The following RYR3 variants were observed in gnomAD, a reference collection of about 807,000 sequenced individuals.
RYR3 encodes the protein brain ryanodine receptor-calcium release channel.
Under a neutral mutation model 584.3 loss-of-function variants are expected in RYR3, and 207 were observed. That is an observed-to-expected ratio of 0.35 (90% CI 0.32 to 0.40). The LOEUF (loss-of-function observed/expected upper bound fraction) is 0.40, where lower values mean the gene tolerates loss of function less well. Among genes scored for constraint, RYR3 ranks in the 10% least tolerant of loss-of-function variants. The pLI is 1.00. For missense variants in RYR3, 5,616 were observed against 6,089.2 expected, an observed-to-expected ratio of 0.92 and a Z score of 2.59; for synonymous variants, 2,416 against 2,248.5, an observed-to-expected ratio of 1.07 and a Z score of -2.11.
At chr15:33,721,984 GA>G (rs2067967570) in intron 43 of RYR3, among the ~76,000 whole-genome samples, 1 of 152,076 alleles carries the variant, frequency 6.6e-6, no homozygotes, top group African/African-American at 2.4e-5. Context: ...ACAAGTTTAG[GA>G]ATAACCAATA....
At chr15:33,418,906 G>A (rs900092311) in intron 1 of RYR3, among the ~76,000 whole-genome samples, 6 of 152,112 alleles carry the variant, frequency 3.9e-5, no homozygotes, top group African/African-American at 7.2e-5. Context: ...AGGAATTAGT[G>A]GAAGCAAAGA....
chr15:33,829,912 G>C (rs2077579374), intron 85 of RYR3, among the ~76,000 whole-genome samples: 2 of 152,144 alleles, frequency 1.3e-5, no homozygotes, highest in Admixed American at 1.3e-4. Flanking sequence ...AAGAGAACTA[G>C]AATTAGTAGT....
At chr15:33,690,182 C>T (rs1354582500) in intron 38 of RYR3, among the ~76,000 whole-genome samples, 1 of 152,206 alleles carries the variant, frequency 6.6e-6, no homozygotes, top group African/African-American at 2.4e-5. Flanking sequence ...GTGCCTCCCT[C>T]TCCAGCCTGC....
intron 1 of RYR3, among the ~76,000 whole-genome samples, chr15:33,428,072 T>C (rs974421594): frequency 1.3e-5 from 2 of 152,242 alleles, no homozygotes; most frequent in African/African-American, 4.8e-5. Context: ...TATCTTTGTA[T>C]TGTAAGCTCC....
At chr15:33,664,506 C>T (rs1042726729) in intron 36 of RYR3, among the ~76,000 whole-genome samples, 2 of 148,268 alleles carry the variant, frequency 1.3e-5, no homozygotes, top group East Asian at 2.0e-4. Context: ...AATCTTTCAG[C>T]GAAGGAAGTA....
intron 10 of RYR3, among the ~76,000 whole-genome samples, chr15:33,556,837 T>TCC: frequency 6.6e-6 from 1 of 152,138 alleles, no homozygotes; most frequent in South Asian, 2.1e-4. Flanking sequence ...CATCCCTAAC[T>TCC]CCCCGGTAGA....
At chr15:33,328,031 G>T (rs560064594) in intron 1 of RYR3, among the ~76,000 whole-genome samples, 1 of 152,328 alleles carries the variant, frequency 6.6e-6, no homozygotes. Flanking sequence ...GTGTCTGTAT[G>T]TGTGCCTGAA....
intron 49 of RYR3, among the ~76,000 whole-genome samples, chr15:33,738,170 G>GAAAC (rs1382614860): frequency 6.6e-6 from 1 of 152,138 alleles, no homozygotes; most frequent in Non-Finnish European, 1.5e-5. Flanking sequence ...GTGTGAACTA[G>GAAAC]AAACGGCTCC....
intron 1 of RYR3, among the ~76,000 whole-genome samples, chr15:33,450,104 A>AAAAAAAAAAAAAAG: frequency 7.0e-6 from 1 of 142,404 alleles, no homozygotes; most frequent in African/African-American, 2.7e-5. Flanking sequence ...AAAAAAAAAA[A>AAAAAAAAAAAAAAG]AAAAAAAGCC....
chr15:33,585,295 A>T (rs1022580794), intron 15 of RYR3, among the ~76,000 whole-genome samples: 1 of 152,128 alleles, frequency 6.6e-6, no homozygotes, highest in African/African-American at 2.4e-5. Flanking sequence ...AAACATTGAG[A>T]AAAAAACAGA....
rs767261715 is a variant in RYR3, at chr15:33,649,059, G to T, written c.3979-13G>T. On this transcript the variant is annotated splice_polypyrimidine_tract_variant and intron_variant, in intron 30 of 103. Transcript: ENST00000634891. ...CTGGGGGCCATTGACTCCCCTCTGCGGTCTCTCCACAGCAGTGCTACTACG... is the reference window on the plus strand; with the variant it reads ...CTGGGGGCCATTGACTCCCCTCTGCTGTCTCTCCACAGCAGTGCTACTACG... The T allele has an allele frequency of 6.2e-7, 1 of 1,602,704 alleles. No homozygotes were observed. The highest frequency in any genetic ancestry group is 1.7e-5 in the Admixed American group (1 of 59,820).
intron 12 of RYR3, among the ~76,000 whole-genome samples, chr15:33,573,951 A>G (rs1050832770): frequency 5.3e-5 from 8 of 152,214 alleles, no homozygotes; most frequent in African/African-American, 1.7e-4. Context: ...GTGGAGGACT[A>G]TAATATTCAT....
chr15:33,351,979 C>T (rs1454763346), intron 1 of RYR3, among the ~76,000 whole-genome samples: 1 of 152,122 alleles, frequency 6.6e-6, no homozygotes, highest in Non-Finnish European at 1.5e-5. Context: ...TCCCTGTTTG[C>T]AGATGACATG....
intron 1 of RYR3, among the ~76,000 whole-genome samples, chr15:33,396,717 C>T (rs1273625014): frequency 6.6e-6 from 1 of 152,200 alleles, no homozygotes; most frequent in Non-Finnish European, 1.5e-5. Context: ...GGTGACCCAT[C>T]TGCAGAGGAT....
chr15:33,487,615 G>A (rs2050570546), intron 2 of RYR3, among the ~76,000 whole-genome samples: 1 of 152,134 alleles, frequency 6.6e-6, no homozygotes, highest in Non-Finnish European at 1.5e-5. Context: ...CATATGGTGG[G>A]CTGGCCCTGT....
rs760794454 is a variant in RYR3, at chr15:33,530,600, A to G, written c.288A>G (p.Gln96=). ...CTTCCTCATTCCCACAGGCAGCACA[A>G]GGAGGTGGCCACAGGACCCTGTTAT... ...TGENGGEGAA[Q]GGGHRTLLYG... is the part of the protein sequence containing the mutation. The change falls in exon 4 of 104, where the codon CAA becomes CAG. Residue 96 remains glutamine (Q), a synonymous_variant. Transcript: ENST00000634891. The G allele has an allele frequency of 2.2e-4, 351 of 1,612,694 alleles. No homozygotes were observed. The highest frequency in any genetic ancestry group is 2.8e-4 in the Non-Finnish European group (332 of 1,178,908).
intron 3 of RYR3, among the ~76,000 whole-genome samples, chr15:33,522,119 C>T (rs2054042419): frequency 6.9e-6 from 1 of 145,486 alleles, no homozygotes; most frequent in African/African-American, 2.5e-5. Context: ...AAAAACTAGC[C>T]AGGTGTGGTG....
chr15:33,799,671 T>C (rs2075815010), intron 67 of RYR3, among the ~76,000 whole-genome samples: 1 of 152,226 alleles, frequency 6.6e-6, no homozygotes, highest in African/African-American at 2.4e-5. Flanking sequence ...AGCAAATTAT[T>C]GAACCCAATG....
intron 1 of RYR3, among the ~76,000 whole-genome samples, chr15:33,361,856 C>A (rs990609565): frequency 2.0e-5 from 3 of 152,202 alleles, no homozygotes; most frequent in Non-Finnish European, 2.9e-5. Flanking sequence ...GCTTAGGAAT[C>A]TGCATTTTTA....
Sources: gnomAD v4.1 joint callset for allele counts (sites outside exome capture counted in the v4.1 genomes callset) on GRCh38, gnomAD v4.1.1 for gene constraint, MANE v1.5 for transcripts, NCBI Gene and HGNC (gene_info 2026-07-23, HGNC 2026-07-21) for gene names.